Variants in DACH1 observed in about 807,000 individuals in gnomAD.
The protein encoded by DACH1 is dachshund homolog 1.
DACH1 carries 12 observed loss-of-function variants against 54.2 expected under a neutral mutation model. The observed-to-expected ratio is 0.22, with a 90% confidence interval of 0.14 to 0.36. The LOEUF is 0.36. Ranked by LOEUF, DACH1 falls within the 10% of genes least tolerant of loss-of-function variation. The pLI, the probability that DACH1 is intolerant of heterozygous loss-of-function variation, is 1.00. For synonymous variants in DACH1, 386 were observed against 366.2 expected, an observed-to-expected ratio of 1.05 and a Z score of -0.62; for missense variants, 805 against 929.8, an observed-to-expected ratio of 0.87 and a Z score of 1.75.
At chr13:71,705,371 C>T (rs11840844) in intron 1 of DACH1, among the ~76,000 whole-genome samples, 10,121 of 139,206 alleles carry the variant, frequency 0.073, 1,051 homozygotes, top group African/African-American at 0.31. Context: ...ATGTTGTTGG[C>T]TACAACTCTC....
At chr13:71,741,424 A>G (rs889087248) in intron 1 of DACH1, among the ~76,000 whole-genome samples, 2 of 152,196 alleles carry the variant, frequency 1.3e-5, no homozygotes, top group African/African-American at 4.8e-5. Context: ...GCTCAACTCT[A>G]CTTCATTATG....
At chr13:71,547,194 T>C (rs781217854) in intron 6 of DACH1, among the ~76,000 whole-genome samples, 2 of 152,142 alleles carry the variant, frequency 1.3e-5, no homozygotes, top group African/African-American at 2.4e-5. Context: ...CATTAATTCA[T>C]GCTCAGCAAA....
chr13:71,855,242 T>A lies in DACH1; in HGVS notation c.848+10680A>T, dbSNP rs549624121. On this transcript the variant is annotated intron_variant, in intron 1 of 10. Coordinates refer to ENST00000613252, the MANE Select transcript of DACH1 (RefSeq NM_080759.6). ...AAAGTCTTTGGAATTCTTTTTAACT[T>A]TTAATTTGAAAAGGAATTTGCTCAC... Among the ~76,000 whole-genome samples the A allele has an allele frequency of 2.8e-4, 42 of 152,148 alleles. 1 individual carries two copies. Among genetic ancestry groups the A allele is most frequent in the Middle Eastern group, 3.4e-3 (1 of 294 alleles).
In DACH1 at chr13:71,592,494, C is replaced by CAAA. The variant is rs575364116; in HGVS notation, c.1127-19485_1127-19483dup. ...TGGGAGACATAGCAAGACTCTATCT[C>CAAA]AAAAAAAAAAAAAAAAAAAAAAAGA... On this transcript the variant is annotated intron_variant, in intron 3 of 10. Coordinates refer to ENST00000613252, the MANE Select transcript of DACH1 (RefSeq NM_080759.6). 2.8e-3 allele frequency among the ~76,000 whole-genome samples: 91 copies of CAAA among 32,746 alleles called. 2 individuals are homozygous for CAAA. The highest frequency in any genetic ancestry group is 8.3e-3 in the African/African-American group (73 of 8,772). The allele number at this position is 32,746 out of a possible 152,430, so 21.5% of individuals were successfully genotyped here.
chr13:71,601,621 A>G (rs945539315), intron 3 of DACH1, among the ~76,000 whole-genome samples: 1 of 152,006 alleles, frequency 6.6e-6, no homozygotes, highest in African/African-American at 2.4e-5. Context: ...TAAACAAAAC[A>G]AAAACAAAAA....
chr13:71,710,965 A>G (rs1882695745), intron 1 of DACH1, among the ~76,000 whole-genome samples: 1 of 152,178 alleles, frequency 6.6e-6, no homozygotes, highest in Admixed American at 6.5e-5. Context: ...CTGGGGCATG[A>G]ATGGATCAAA....
At chr13:71,580,456 T>C (rs1872748441) in intron 3 of DACH1, among the ~76,000 whole-genome samples, 1 of 152,200 alleles carries the variant, frequency 6.6e-6, no homozygotes, top group Non-Finnish European at 1.5e-5. Flanking sequence ...TCAAAGTATA[T>C]ATTATTAATG....
chr13:71,606,100 G>A (rs767371660), intron 3 of DACH1, among the ~76,000 whole-genome samples: 15 of 152,038 alleles, frequency 9.9e-5, no homozygotes, highest in Non-Finnish European at 1.8e-4. Context: ...TGCTAGTACT[G>A]TAATAAATGA....
chr13:71,816,970 T>G (rs866384440), intron 1 of DACH1, among the ~76,000 whole-genome samples: 2 of 152,026 alleles, frequency 1.3e-5, no homozygotes, highest in Non-Finnish European at 2.9e-5. Flanking sequence ...CTAGGCTTGA[T>G]GACTGGGTGA....
chr13:71,824,763 A>G (rs577208089), intron 1 of DACH1, among the ~76,000 whole-genome samples: 1 of 152,136 alleles, frequency 6.6e-6, no homozygotes, highest in East Asian at 1.9e-4. Flanking sequence ...AGTTTACACA[A>G]TGGAGGAATT....
chr13:71,786,652 A>G (rs1325992589), intron 1 of DACH1, among the ~76,000 whole-genome samples: 1 of 152,122 alleles, frequency 6.6e-6, no homozygotes, highest in African/African-American at 2.4e-5. Flanking sequence ...CTAAGAAAGG[A>G]CACAAATTAA....
chr13:71,609,616 C>T (rs1024218019), intron 3 of DACH1, among the ~76,000 whole-genome samples: 1 of 152,020 alleles, frequency 6.6e-6, no homozygotes, highest in African/African-American at 2.4e-5. Flanking sequence ...ACCTCCACTC[C>T]CCAGGTTCAA....
At chr13:71,479,067 A>T in intron 8 of DACH1, 102 bp downstream of exon 8, 1 of 1,160,584 alleles carries the variant, frequency 8.6e-7, no homozygotes, top group Non-Finnish European at 1.2e-6. Context: ...GCTACCGTTA[A>T]ATTAACAAAA....
At chr13:71,693,436 G>T (rs796670323) in intron 1 of DACH1, among the ~76,000 whole-genome samples, 2 of 148,608 alleles carry the variant, frequency 1.3e-5, no homozygotes, top group African/African-American at 5.0e-5. Flanking sequence ...CCGAGTAGCT[G>T]GGACTATAGG....
chr13:71,847,684 G>T (rs895560912), intron 1 of DACH1, among the ~76,000 whole-genome samples: 4 of 152,122 alleles, frequency 2.6e-5, no homozygotes, highest in Non-Finnish European at 5.9e-5. Context: ...GGTGAATTTT[G>T]GATATGAGAT....
At position 71,806,924 on chromosome 13, in the gene DACH1, T is replaced by C. The variant is rs117065803; in HGVS notation, c.848+58998A>G. On this transcript the variant is annotated intron_variant, in intron 1 of 10. Coordinates refer to ENST00000613252, the MANE Select transcript of DACH1 (RefSeq NM_080759.6). ...CATCAACCGATTATGAATCTAAAAA[T>C]TATAAAATAGAGATGAGTTTACATT... Among the ~76,000 whole-genome samples the C allele has an allele frequency of 9.7e-3, 1,479 of 152,232 alleles. 6 individuals are homozygous for C. Among genetic ancestry groups the C allele is most frequent in the Non-Finnish European group, 0.015 (1,009 of 68,008 alleles).
At chr13:71,820,454 G>C (rs1047788053) in intron 1 of DACH1, among the ~76,000 whole-genome samples, 2 of 152,178 alleles carry the variant, frequency 1.3e-5, no homozygotes, top group Admixed American at 1.3e-4. Context: ...CCAGGGCTTT[G>C]TAGAGTATGG....
In DACH1 at chr13:71,652,837, T is replaced by C. The variant is rs149332346; in HGVS notation, c.965-22120A>G. On this transcript the variant is annotated intron_variant, in intron 2 of 10. Coordinates refer to ENST00000613252, the MANE Select transcript of DACH1 (RefSeq NM_080759.6). ...TTGTTCTCTTGTACCCTCCATAGCA[T>C]AAACGTTAACTTTTTGAATAAATAA... Among the ~76,000 whole-genome samples, 1,068 of 152,252 alleles carry C rather than the reference T, an allele frequency of 7.0e-3. 28 individuals are homozygous for C. The highest frequency in any genetic ancestry group is 0.044 in the Admixed American group (679 of 15,278).
intron 1 of DACH1, among the ~76,000 whole-genome samples, chr13:71,697,782 A>C (rs956610867): frequency 1.3e-5 from 2 of 152,196 alleles, no homozygotes; most frequent in Non-Finnish European, 2.9e-5. Context: ...TAATATATGA[A>C]AGTCCTAAAA....
Sources: allele counts gnomAD v4.1 joint callset (sites outside exome capture counted in the v4.1 genomes callset), GRCh38; gene constraint gnomAD v4.1.1; transcripts MANE v1.5; gene names NCBI Gene and HGNC (gene_info 2026-07-23, HGNC 2026-07-21).